The following IGSF11 variants were observed in gnomAD, a reference collection of about 807,000 sequenced individuals.
IGSF11 encodes immunoglobulin superfamily member 11, also known as CXADR like 1.
A neutral mutation model predicts 41.0 loss-of-function variants in IGSF11; 22 were observed. That is an observed-to-expected ratio of 0.54 (90% confidence interval 0.38 to 0.77). The LOEUF is 0.77. Among genes scored for constraint, IGSF11 ranks in the 30% least tolerant of loss-of-function variants. IGSF11 has a pLI of 0.00. For synonymous variants in IGSF11, 219 were observed against 201.3 expected, an observed-to-expected ratio of 1.09 and a Z score of -0.74; for missense variants, 444 against 530.8, an observed-to-expected ratio of 0.84 and a Z score of 1.61.
chr3:118,990,664 T>C (rs1451339276), intron 1 of IGSF11, among the ~76,000 whole-genome samples: 1 of 152,232 alleles, frequency 6.6e-6, no homozygotes, highest in Non-Finnish European at 1.5e-5. Flanking sequence ...CAGAGCAGTA[T>C]TGTAGACACT....
chr3:119,007,769 C>T (rs1937605676), intron 1 of IGSF11, among the ~76,000 whole-genome samples: 1 of 152,156 alleles, frequency 6.6e-6, no homozygotes, highest in Non-Finnish European at 1.5e-5. Context: ...TGGTCCCTTG[C>T]TTTATGCCTT....
At chr3:118,908,489 C>T (rs1232754037) in intron 4 of IGSF11, among the ~76,000 whole-genome samples, 1 of 152,222 alleles carries the variant, frequency 6.6e-6, no homozygotes, top group African/African-American at 2.4e-5. Flanking sequence ...CCACAAAGCA[C>T]ATAGCCCTTC....
upstream of IGSF11, among the ~76,000 whole-genome samples, chr3:119,107,000 G>C (rs1006831732): frequency 4.6e-5 from 7 of 152,138 alleles, no homozygotes; most frequent in African/African-American, 1.7e-4. Flanking sequence ...TTGGACATTT[G>C]GGTTGGTTCC....
At chr3:119,086,532 C>A (rs865929800) in intron 1 of IGSF11, among the ~76,000 whole-genome samples, 1 of 151,828 alleles carries the variant, frequency 6.6e-6, no homozygotes, top group African/African-American at 2.4e-5. Context: ...GGTCAGGACA[C>A]CTACAAGGGG....
At chr3:118,965,282 C>T (rs957552360) in intron 1 of IGSF11, among the ~76,000 whole-genome samples, 7 of 151,992 alleles carry the variant, frequency 4.6e-5, no homozygotes, top group African/African-American at 9.7e-5. Context: ...GAGCTACATA[C>T]GGCACCCTAA....
intron 4 of IGSF11, 95 bp downstream of exon 4, chr3:118,926,004 GGT>G (rs1942254957): frequency 1.2e-6 from 1 of 854,636 alleles, no homozygotes; most frequent in Admixed American, 2.9e-5. Flanking sequence ...GCAGTTATAG[GGT>G]GTTATTTTTC....
intron 1 of IGSF11, among the ~76,000 whole-genome samples, chr3:119,001,087 T>G (rs1936781325): frequency 6.6e-6 from 1 of 152,130 alleles, no homozygotes; most frequent in Non-Finnish European, 1.5e-5. Flanking sequence ...GCTGTCTCTC[T>G]GTCTGAAATG....
At chr3:118,986,471 T>C (rs868508057) in intron 1 of IGSF11, among the ~76,000 whole-genome samples, 10 of 152,206 alleles carry the variant, frequency 6.6e-5, no homozygotes, top group South Asian at 2.1e-4. Flanking sequence ...GTTTCTAATA[T>C]AGGCACAAGT....
chr3:119,017,776 C>CTTTTTTTTTTT (rs567222914), intron 1 of IGSF11, among the ~76,000 whole-genome samples: 1 of 100,258 alleles, frequency 1.0e-5, no homozygotes, highest in East Asian at 2.9e-4. Context: ...GTTTGTTTTA[C>CTTTTTTTTTTT]TTTTTTTTTT....
At chr3:119,106,638 C>G (rs986791782), upstream of IGSF11, among the ~76,000 whole-genome samples, 8 of 152,042 alleles carry the variant, frequency 5.3e-5, no homozygotes, top group Non-Finnish European at 1.2e-4. Context: ...GCACAACGTG[C>G]GGGTTAGTTA....
intron 1 of IGSF11, among the ~76,000 whole-genome samples, chr3:119,138,418 T>C (rs1434060945): frequency 3.9e-5 from 6 of 152,154 alleles, no homozygotes; most frequent in African/African-American, 1.4e-4. Flanking sequence ...GATGCAGTGG[T>C]TCATGCCTGT....
chr3:119,009,965 AGATATTTT>A (rs1290638953), intron 1 of IGSF11, among the ~76,000 whole-genome samples: 2 of 152,228 alleles, frequency 1.3e-5, no homozygotes, highest in African/African-American at 4.8e-5. Flanking sequence ...GCTAAGAGTA[AGATATTTT>A]GATATTTTGA....
At chr3:119,085,001 TC>T (rs74601888) in intron 1 of IGSF11, among the ~76,000 whole-genome samples, 25,527 of 152,054 alleles carry the variant, frequency 0.17, 2,622 homozygotes, top group Non-Finnish European at 0.24. Flanking sequence ...ACAGGGCTTG[TC>T]CAATAAGGGT....
chr3:119,047,128 T>C (rs1414096660), intron 1 of IGSF11, among the ~76,000 whole-genome samples: 5 of 146,642 alleles, frequency 3.4e-5, no homozygotes, highest in Non-Finnish European at 7.5e-5. Context: ...AATGACAGGA[T>C]CAAATTCACA....
At chr3:119,029,914 A>G (rs756532540) in intron 1 of IGSF11, among the ~76,000 whole-genome samples, 4 of 152,204 alleles carry the variant, frequency 2.6e-5, no homozygotes, top group African/African-American at 4.8e-5. Context: ...AATGGCATTG[A>G]CTTTCCAATC....
At chr3:119,048,852 T>A (rs1941487814) in intron 1 of IGSF11, among the ~76,000 whole-genome samples, 1 of 151,954 alleles carries the variant, frequency 6.6e-6, no homozygotes, top group Non-Finnish European at 1.5e-5. Flanking sequence ...TATATGCAAA[T>A]CAGTAAATGT....
upstream of IGSF11, among the ~76,000 whole-genome samples, chr3:119,037,204 A>C (rs145649271): frequency 4.4e-3 from 669 of 152,336 alleles, 12 homozygotes; most frequent in African/African-American, 0.015. Flanking sequence ...ATTTCTTTAA[A>C]TCCCTTAAGT....
intron 1 of IGSF11, among the ~76,000 whole-genome samples, chr3:118,939,813 A>G (rs1943548365): frequency 6.6e-6 from 1 of 152,184 alleles, no homozygotes; most frequent in Non-Finnish European, 1.5e-5. Flanking sequence ...TTTAAAAATT[A>G]ATTTAAATTA....
intron 1 of IGSF11, among the ~76,000 whole-genome samples, chr3:118,973,406 C>A (rs996693245): frequency 2.6e-5 from 4 of 152,094 alleles, no homozygotes; most frequent in Non-Finnish European, 5.9e-5. Context: ...GCCTAGGCTG[C>A]GTAGAATTTG....
Sources: gnomAD v4.1 joint callset for allele counts (sites outside exome capture counted in the v4.1 genomes callset) on GRCh38, gnomAD v4.1.1 for gene constraint, MANE v1.5 for transcripts, NCBI Gene and HGNC (gene_info 2026-07-23, HGNC 2026-07-21) for gene names.